Variants in GLIS3 observed in about 807,000 individuals in gnomAD.
GLIS3 encodes the protein GLIS family zinc finger 3.
In GLIS3, 53 loss-of-function variants were observed where a neutral mutation model predicts 78.6. The observed-to-expected ratio is 0.67, with a 90% CI of 0.54 to 0.85. GLIS3 has a LOEUF of 0.85. Among genes scored for constraint, GLIS3 ranks in the 40% least tolerant of loss-of-function variants. The pLI is 0.00. For missense variants in GLIS3, 1,703 were observed against 1,231.1 expected (o/e 1.38, Z -5.74); for synonymous variants, 684 against 509.9 (o/e 1.34, Z -4.60).
chr9:4,272,046 C>T (rs181696580), intron 2 of GLIS3, among the ~76,000 whole-genome samples: 2 of 152,188 alleles, frequency 1.3e-5, no homozygotes, highest in African/African-American at 4.8e-5. Context: ...CAGATTGTGC[C>T]CTCGTCATGC....
chr9:4,441,227 A>C, the GLIS3 span, among the ~76,000 whole-genome samples: 3 of 152,344 alleles, frequency 2.0e-5, no homozygotes, highest in African/African-American at 7.2e-5. Context: ...TCTTTGCCTT[A>C]TCCAAATCTT....
At chr9:4,105,560 T>C (rs1830685619) in intron 4 of GLIS3, among the ~76,000 whole-genome samples, 2 of 152,336 alleles carry the variant, frequency 1.3e-5, no homozygotes, top group South Asian at 2.1e-4. Flanking sequence ...CTGCAAATGG[T>C]CAATATGTAC....
At chr9:4,377,709 T>C in the GLIS3 span, among the ~76,000 whole-genome samples, 1 of 152,308 alleles carries the variant, frequency 6.6e-6, no homozygotes, top group East Asian at 1.9e-4. Context: ...AATAATATTA[T>C]TGTTATATAG....
chr9:4,354,173 T>A, the GLIS3 span, among the ~76,000 whole-genome samples: 671 of 152,182 alleles, frequency 4.4e-3, 9 homozygotes, highest in African/African-American at 0.015. Context: ...GAGGGCTTTT[T>A]AAAAAAGAGT....
chr9:3,919,837 C>T (rs1378722546), intron 6 of GLIS3, among the ~76,000 whole-genome samples: 1 of 151,744 alleles, frequency 6.6e-6, no homozygotes, highest in Non-Finnish European at 1.5e-5. Flanking sequence ...GTAATACTAG[C>T]CTCGTAGAAT....
chr9:4,114,512 T>C (rs1831478369), intron 4 of GLIS3, among the ~76,000 whole-genome samples: 1 of 152,204 alleles, frequency 6.6e-6, no homozygotes, highest in Non-Finnish European at 1.5e-5. Flanking sequence ...TAGCTGATAA[T>C]GCTCAAATAT....
At chr9:3,868,226 A>G (rs746749638) in intron 8 of GLIS3, among the ~76,000 whole-genome samples, 1 of 152,268 alleles carries the variant, frequency 6.6e-6, no homozygotes, top group Non-Finnish European at 1.5e-5. Context: ...AATTGCAACC[A>G]TAAGATGACA....
At chr9:4,294,443 A>G (rs1271439666) in intron 1 of GLIS3, among the ~76,000 whole-genome samples, 3 of 151,932 alleles carry the variant, frequency 2.0e-5, no homozygotes, top group African/African-American at 7.3e-5. Context: ...CAGGAGGGGG[A>G]GGTTGCAGTA....
At chr9:4,212,636 C>G (rs1820475481) in intron 2 of GLIS3, among the ~76,000 whole-genome samples, 1 of 152,060 alleles carries the variant, frequency 6.6e-6, no homozygotes, top group Admixed American at 6.5e-5. Flanking sequence ...TAGCTGAGGT[C>G]TAAAAGGCAA....
intron 4 of GLIS3, among the ~76,000 whole-genome samples, chr9:4,003,483 C>G (rs1821281972): frequency 6.6e-6 from 1 of 152,130 alleles, no homozygotes. Flanking sequence ...AGAGTGGCAT[C>G]CCCCTTAATT....
chr9:3,977,865 G>C lies in GLIS3; in HGVS notation c.1711-40676C>G, dbSNP rs1425807906. Among the ~76,000 whole-genome samples, 1 of 152,212 alleles carries C rather than the reference G, an allele frequency of 6.6e-6. No homozygotes were observed. Among genetic ancestry groups the C allele is most frequent in the Non-Finnish European group, 1.5e-5 (1 of 68,034 alleles). Reference sequence around the variant, plus strand: ...CAGCAGGCTGTTGCATCCAGCTGGTGAGGAGGTCTAATTTCACACCACGCA... The same window carrying C: ...CAGCAGGCTGTTGCATCCAGCTGGTCAGGAGGTCTAATTTCACACCACGCA... On this transcript the variant is annotated intron_variant, in intron 4 of 10. Coordinates refer to ENST00000381971, the MANE Select transcript of GLIS3 (RefSeq NM_001042413.2). This position sits in a 1 kb window ranked among gnomAD's most constrained non-coding sequence, Gnocchi z 4.1.
the GLIS3 span, among the ~76,000 whole-genome samples, chr9:4,457,916 T>A: frequency 6.6e-6 from 1 of 152,044 alleles, no homozygotes; most frequent in Non-Finnish European, 1.5e-5. Context: ...ACCTAAGTTC[T>A]GACCTTAAGT....
At chr9:4,293,565 TC>T (rs1223664923) in intron 1 of GLIS3, among the ~76,000 whole-genome samples, 1 of 152,208 alleles carries the variant, frequency 6.6e-6, no homozygotes, top group Non-Finnish European at 1.5e-5. Flanking sequence ...AATCTATCGG[TC>T]ATGCTGAAAA....
intron 3 of GLIS3, among the ~76,000 whole-genome samples, chr9:4,309,272 G>C (rs925057571): frequency 6.6e-6 from 1 of 152,074 alleles, no homozygotes; most frequent in Non-Finnish European, 1.5e-5. Flanking sequence ...AGTGAACAAA[G>C]AAAAAGCAAG....
intron 4 of GLIS3, among the ~76,000 whole-genome samples, chr9:4,043,330 G>A (rs1335596902): frequency 6.6e-6 from 1 of 152,154 alleles, no homozygotes; most frequent in African/African-American, 2.4e-5. Flanking sequence ...TAGTTTTGAG[G>A]TGGGAGATCA....
chr9:4,326,902 G>T (rs1361262333), intron 2 of GLIS3, among the ~76,000 whole-genome samples: 1 of 152,126 alleles, frequency 6.6e-6, no homozygotes, highest in Non-Finnish European at 1.5e-5. Context: ...ATGCCAGCAA[G>T]GTTTTTCCTT....
intron 1 of GLIS3, among the ~76,000 whole-genome samples, chr9:4,293,335 C>T (rs1816191304): frequency 6.6e-6 from 1 of 152,178 alleles, no homozygotes; most frequent in Non-Finnish European, 1.5e-5. Flanking sequence ...TGATATTTTT[C>T]CTTCAGCATA....
intron 4 of GLIS3, among the ~76,000 whole-genome samples, chr9:4,106,794 T>G (rs1260070552): frequency 1.3e-5 from 2 of 152,194 alleles, no homozygotes; most frequent in African/African-American, 2.4e-5. Flanking sequence ...ATCTATAACC[T>G]TGCCCTTGAT....
At chr9:4,024,475 G>A (rs1267334320) in intron 4 of GLIS3, among the ~76,000 whole-genome samples, 1 of 152,166 alleles carries the variant, frequency 6.6e-6, no homozygotes, top group African/African-American at 2.4e-5. Context: ...CACAGATGGG[G>A]CTGCTCCATG....
Sources: gnomAD v4.1 joint callset for allele counts (sites outside exome capture counted in the v4.1 genomes callset) on GRCh38, gnomAD v4.1.1 for gene constraint, Gnocchi (gnomAD v3.1) non-coding constraint, MANE v1.5 for transcripts, NCBI Gene and HGNC (gene_info 2026-07-23, HGNC 2026-07-21) for gene names.